The following ARHGEF9 variants were observed in gnomAD, a reference collection of about 807,000 sequenced individuals.
The protein encoded by ARHGEF9 is Cdc42 guanine nucleotide exchange factor 9.
ARHGEF9 carries 2 observed loss-of-function variants against 41.3 expected under a neutral mutation model. The observed-to-expected ratio is 0.05, with a 90% confidence interval of 0.02 to 0.15. The LOEUF (loss-of-function observed/expected upper bound fraction) is 0.15, where lower values mean the gene tolerates loss of function less well. Ranked by LOEUF, ARHGEF9 falls within the 10% of genes least tolerant of loss-of-function variation. ARHGEF9 has a pLI of 1.00. For synonymous variants in ARHGEF9, 160 were observed against 154.4 expected, an observed-to-expected ratio of 1.04 and a Z score of -0.27; for missense variants, 225 against 424.7, an observed-to-expected ratio of 0.53 and a Z score of 4.13.
intron 7 of ARHGEF9, chrX:63,656,626 G>C (rs1556336456): frequency 1.8e-5 from 2 of 111,155 alleles, no homozygotes; most frequent in African/African-American, 6.6e-5. Context: ...TTTCTATATA[G>C]TTTTACCTCA....
intron 1 of ARHGEF9, among the ~76,000 whole-genome samples, chrX:63,747,909 G>T (rs1299970362): frequency 5.3e-5 from 6 of 112,431 alleles, no homozygotes; most frequent in Non-Finnish European, 1.1e-4. Context: ...TCTGAACCCA[G>T]TTTAGAAACA....
At chrX:63,769,530 A>C (rs1245992046) in intron 1 of ARHGEF9, among the ~76,000 whole-genome samples, 2 of 112,365 alleles carry the variant, frequency 1.8e-5, no homozygotes, top group Non-Finnish European at 3.8e-5. Context: ...TCCCCAAGAC[A>C]ATGGGGAAAG....
At chrX:63,664,311 T>C (rs1485653592) in intron 7 of ARHGEF9, among the ~76,000 whole-genome samples, 2 of 112,654 alleles carry the variant, frequency 1.8e-5, no homozygotes, top group Non-Finnish European at 3.7e-5. Context: ...TGGATCCTGG[T>C]CTATCTCTTA....
At chrX:63,781,538 G>A (rs1339583782) in intron 1 of ARHGEF9, among the ~76,000 whole-genome samples, 20 of 111,702 alleles carry the variant, frequency 1.8e-4, no homozygotes, top group Non-Finnish European at 5.6e-5. Flanking sequence ...GAGGGTCCGA[G>A]CAGGTGATCA....
At chrX:63,738,457 G>A (rs2054748233) in intron 1 of ARHGEF9, among the ~76,000 whole-genome samples, 1 of 111,491 alleles carries the variant, frequency 9.0e-6, no homozygotes, top group Admixed American at 9.5e-5. Context: ...GAAACTGCAT[G>A]GCTACTTCTT....
chrX:63,749,475 C>T (rs1556438211), intron 1 of ARHGEF9, among the ~76,000 whole-genome samples: 1 of 111,941 alleles, frequency 8.9e-6, no homozygotes, highest in Non-Finnish European at 1.9e-5. Context: ...AGGTGATCCA[C>T]CGGCCTCAGC....
intron 1 of ARHGEF9, among the ~76,000 whole-genome samples, chrX:63,765,211 T>C (rs2056094709): frequency 1.8e-5 from 2 of 110,401 alleles, no homozygotes; most frequent in African/African-American, 6.6e-5. Context: ...ACATCAGTGG[T>C]TGCCAGTCTA....
At chrX:63,639,838 A>G (rs2047511131) in intron 9 of ARHGEF9, 1 of 111,992 alleles carries the variant, frequency 8.9e-6, no homozygotes, top group Non-Finnish European at 1.9e-5. Context: ...GGAGCTCATA[A>G]TGTTAAGTGA....
At chrX:63,771,216 GATT>G (rs2056199445) in intron 1 of ARHGEF9, among the ~76,000 whole-genome samples, 1 of 111,822 alleles carries the variant, frequency 8.9e-6, no homozygotes, top group Non-Finnish European at 1.9e-5. Flanking sequence ...GAATGTGAAG[GATT>G]ATTATTACAT....
chrX:63,770,916 C>A (rs1348456392), intron 1 of ARHGEF9, among the ~76,000 whole-genome samples: 1 of 112,553 alleles, frequency 8.9e-6, no homozygotes, highest in Non-Finnish European at 1.9e-5. Context: ...AAACCTCTTT[C>A]TTTTGCAAAT....
intron 2 of ARHGEF9, chrX:63,707,437 G>GA (rs1395913581): frequency 9.4e-6 from 1 of 106,213 alleles, no homozygotes; most frequent in Non-Finnish European, 1.9e-5. Context: ...GACTTTGACT[G>GA]AAAATCAAGA....
chrX:63,767,160 C>A, intron 1 of ARHGEF9: 1 of 821,563 alleles, frequency 1.2e-6, no homozygotes, highest in Non-Finnish European at 1.8e-6. Flanking sequence ...GACAGAAATG[C>A]CATGCAGCAT....
chrX:63,776,187 G>A (rs782016656), intron 1 of ARHGEF9, among the ~76,000 whole-genome samples: 17 of 105,563 alleles, frequency 1.6e-4, no homozygotes, highest in Admixed American at 6.0e-4. Flanking sequence ...TAGACCAGAG[G>A]TGAGAGATCC....
chrX:63,654,157 A>T (rs1405642003), intron 8 of ARHGEF9, among the ~76,000 whole-genome samples: 3 of 101,722 alleles, frequency 2.9e-5, no homozygotes, highest in Non-Finnish European at 4.2e-5. Context: ...TTATTATCAA[A>T]CCAAAAAAAA....
chrX:63,704,853 C>T (rs2052421571), intron 3 of ARHGEF9, among the ~76,000 whole-genome samples: 2 of 111,852 alleles, frequency 1.8e-5, no homozygotes, highest in African/African-American at 6.5e-5. Flanking sequence ...CTATCTGCCT[C>T]ATGGCAGGGC....
chrX:63,755,196 C>G (rs2055888402), intron 1 of ARHGEF9: 1 of 937,365 alleles, frequency 1.1e-6, no homozygotes, highest in African/African-American at 2.0e-5. Context: ...GCGGCCAGAG[C>G]CACTGACATA....
intron 1 of ARHGEF9, among the ~76,000 whole-genome samples, chrX:63,738,869 T>G (rs1279794109): frequency 9.0e-6 from 1 of 111,501 alleles, no homozygotes; most frequent in African/African-American, 3.3e-5. Context: ...TTCCCTCTTC[T>G]GGGCTCAGAA....
At chrX:63,735,801 G>A (rs782357586) in intron 1 of ARHGEF9, among the ~76,000 whole-genome samples, 2 of 112,176 alleles carry the variant, frequency 1.8e-5, no homozygotes, top group Non-Finnish European at 3.8e-5. Flanking sequence ...GAGAATGTAA[G>A]TATCTCCCAG....
Position 63,674,077 on chromosome X carries a change from G to T in ARHGEF9, c.906C>A (p.Asp302Glu). 8.3e-7 allele frequency: 1 copy of T among 1,211,165 alleles called. No homozygotes were observed. Among genetic ancestry groups the T allele is most frequent in the Non-Finnish European group, 1.1e-6 (1 of 895,075 alleles). Residue 302 changes from aspartate to glutamate, a missense_variant, in exon 6 of 10, where the codon GAC becomes GAA. Physicochemically the swap from Asp to Glu is conservative, Grantham distance 45. Coordinates refer to ENST00000671741, the MANE Select transcript of ARHGEF9 (RefSeq NM_001353921.2). ...NERKRRLENI[D>E]KIAQWQASVL... ...CAGAAGCCTGCCACTGAGCAATCTT[G>T]TCAATATTCTCTAAACGTCGCTTGC...
Sources: gnomAD v4.1 joint callset for allele counts (sites outside exome capture counted in the v4.1 genomes callset) on GRCh38, gnomAD v4.1.1 for gene constraint, MANE v1.5 for transcripts, NCBI Gene and HGNC (gene_info 2026-07-23, HGNC 2026-07-21) for gene names.